Variants in EPHA3 observed in about 807,000 individuals in gnomAD.
The protein encoded by EPHA3 is EPH receptor A3.
In EPHA3, 42 loss-of-function variants were observed where a neutral mutation model predicts 107.1. The ratio of observed to expected loss-of-function variants is 0.39; its 90% CI spans 0.31 to 0.51. The LOEUF (loss-of-function observed/expected upper bound fraction) is 0.51. EPHA3 is among the 20% of genes least tolerant of loss of function. The pLI is 0.78. For synonymous variants in EPHA3, 461 were observed against 424.8 expected, an observed-to-expected ratio of 1.09 and a Z score of -1.05; for missense variants, 1,183 against 1,211.2, an observed-to-expected ratio of 0.98 and a Z score of 0.35.
At chr3:89,267,722 T>C (rs1705571627) in intron 3 of EPHA3, among the ~76,000 whole-genome samples, 3 of 152,192 alleles carry the variant, frequency 2.0e-5, no homozygotes, top group Admixed American at 6.5e-5. Context: ...GGTTTATTTC[T>C]GTTTAAGCTT....
At chr3:89,389,841 A>G (rs1010378643) in intron 5 of EPHA3, among the ~76,000 whole-genome samples, 6 of 152,118 alleles carry the variant, frequency 3.9e-5, no homozygotes, top group African/African-American at 7.2e-5. Context: ...TTGCTTTACC[A>G]TTGTAATTTG....
At position 89,363,930 on chromosome 3, in the gene EPHA3, C is replaced by T. The variant is rs773061901; in HGVS notation, c.1306+21840C>T. Among the ~76,000 whole-genome samples, 8 of 150,602 alleles carry T rather than the reference C, an allele frequency of 5.3e-5. 1 individual carries two copies. Among genetic ancestry groups the T allele is most frequent in the Non-Finnish European group, 1.2e-4 (8 of 67,302 alleles). ...AGTGTCCCCTCCCCTATTCCTATCT[C>T]AAATATATTCAGTTTGAAAATCTCA... On this transcript the variant is annotated intron_variant, in intron 5 of 16. Coordinates refer to ENST00000336596, the MANE Select transcript of EPHA3 (RefSeq NM_005233.6).
intron 1 of EPHA3, among the ~76,000 whole-genome samples, chr3:89,124,678 T>A (rs1396879525): frequency 6.6e-6 from 1 of 152,046 alleles, no homozygotes; most frequent in Non-Finnish European, 1.5e-5. Flanking sequence ...CAGCATGTTA[T>A]AAACTCATGG....
chr3:89,242,216 G>A (rs1422967316), intron 3 of EPHA3, among the ~76,000 whole-genome samples: 2 of 152,176 alleles, frequency 1.3e-5, no homozygotes, highest in Non-Finnish European at 2.9e-5. Flanking sequence ...GTCAAGAACT[G>A]TAATTCTACA....
intron 3 of EPHA3, among the ~76,000 whole-genome samples, chr3:89,219,891 G>A (rs562660181): frequency 1.4e-5 from 2 of 148,138 alleles, no homozygotes; most frequent in South Asian, 2.2e-4. Flanking sequence ...TGTATTTTTA[G>A]TAGAGACGGG....
At chr3:89,400,671 A>G (rs535036776) in intron 7 of EPHA3, among the ~76,000 whole-genome samples, 1 of 152,030 alleles carries the variant, frequency 6.6e-6, no homozygotes, top group South Asian at 2.1e-4. Flanking sequence ...TTAGGTAATC[A>G]TAATATGCTA....
At chr3:89,431,012 C>A in intron 12 of EPHA3, 138 bp from the exon 13 acceptor site, 2 of 749,490 alleles carry the variant, frequency 2.7e-6, no homozygotes, top group East Asian at 2.7e-5. Context: ...TGCCACATAT[C>A]TTTGTCTTGA....
At chr3:89,415,329 CT>C (rs908829820) in intron 10 of EPHA3, among the ~76,000 whole-genome samples, 32 of 150,564 alleles carry the variant, frequency 2.1e-4, no homozygotes, top group African/African-American at 7.7e-4. Flanking sequence ...TTCCTACATT[CT>C]TAATCTTAAA....
At chr3:89,274,427 C>T (rs1419009414) in intron 3 of EPHA3, among the ~76,000 whole-genome samples, 1 of 151,694 alleles carries the variant, frequency 6.6e-6, no homozygotes, top group Non-Finnish European at 1.5e-5. Flanking sequence ...AAGCAATAAG[C>T]AGTATATTTA....
intron 10 of EPHA3, among the ~76,000 whole-genome samples, chr3:89,415,755 G>T (rs1048462032): frequency 8.6e-5 from 13 of 151,250 alleles, no homozygotes; most frequent in Non-Finnish European, 1.8e-4. Context: ...TACTTAGTAA[G>T]TCCTTAATTT....
chr3:89,278,720 T>G (rs1276903566), intron 3 of EPHA3, among the ~76,000 whole-genome samples: 1 of 152,176 alleles, frequency 6.6e-6, no homozygotes, highest in African/African-American at 2.4e-5. Context: ...TGATTTAAGA[T>G]TTGTATATAT....
At chr3:89,426,375 G>A (rs1709456708) in intron 11 of EPHA3, among the ~76,000 whole-genome samples, 1 of 151,768 alleles carries the variant, frequency 6.6e-6, no homozygotes, top group South Asian at 2.1e-4. Flanking sequence ...CCTAAGTCAA[G>A]ATACTGTTTC....
At chr3:89,327,685 C>T (rs1304144139) in intron 3 of EPHA3, among the ~76,000 whole-genome samples, 2 of 152,112 alleles carry the variant, frequency 1.3e-5, no homozygotes, top group Admixed American at 6.5e-5. Context: ...TTTTAGGCAT[C>T]TTTTCTGAAG....
At chr3:89,454,661 C>T (rs937037813) in intron 15 of EPHA3, among the ~76,000 whole-genome samples, 14 of 152,124 alleles carry the variant, frequency 9.2e-5, no homozygotes, top group Admixed American at 4.6e-4. Context: ...ATTGAATTCA[C>T]GTTACACTTA....
intron 5 of EPHA3, among the ~76,000 whole-genome samples, chr3:89,381,830 A>G (rs78745272): frequency 0.016 from 2,424 of 152,226 alleles, 64 homozygotes; most frequent in African/African-American, 0.055. Flanking sequence ...AGAATGCGCA[A>G]TCTATGAATC....
chr3:89,111,381 T>C (rs1430297218), intron 1 of EPHA3, among the ~76,000 whole-genome samples: 1 of 152,108 alleles, frequency 6.6e-6, no homozygotes, highest in Admixed American at 6.5e-5. Flanking sequence ...ATCATCTTTA[T>C]AAGTTTTTTT....
At chr3:89,283,378 T>C (rs1018922327) in intron 3 of EPHA3, among the ~76,000 whole-genome samples, 1 of 151,952 alleles carries the variant, frequency 6.6e-6, no homozygotes, top group Non-Finnish European at 1.5e-5. Flanking sequence ...TGGTGGGAAA[T>C]AGAGCACCTG....
intron 1 of EPHA3, among the ~76,000 whole-genome samples, chr3:89,110,851 T>C (rs1390567894): frequency 1.3e-5 from 2 of 152,048 alleles, no homozygotes; most frequent in Non-Finnish European, 2.9e-5. Context: ...TTCAACCCTT[T>C]CAGAATTGGT....
chr3:89,168,003 G>A (rs1705116536), intron 2 of EPHA3, among the ~76,000 whole-genome samples: 1 of 152,008 alleles, frequency 6.6e-6, no homozygotes, highest in Non-Finnish European at 1.5e-5. Context: ...TATTTGAAGA[G>A]TGCAAAGTAC....
Sources: gnomAD v4.1 joint callset for allele counts (sites outside exome capture counted in the v4.1 genomes callset) on GRCh38, gnomAD v4.1.1 for gene constraint, MANE v1.5 for transcripts, NCBI Gene and HGNC (gene_info 2026-07-23, HGNC 2026-07-21) for gene names.